The following INPP5B variants were observed in gnomAD, a reference collection of about 807,000 sequenced individuals.
INPP5B encodes type II inositol 1,4,5-trisphosphate 5-phosphatase.
A neutral mutation model predicts 118.5 loss-of-function variants in INPP5B; 90 were observed. The ratio of observed to expected loss-of-function variants is 0.76; its 90% CI spans 0.64 to 0.90. The LOEUF is 0.90. Ranked by LOEUF, INPP5B falls within the 40% of genes least tolerant of loss-of-function variation. The probability of loss-of-function intolerance (pLI) is 0.00; values close to 1 mark genes in which losing one functional copy is unlikely to be tolerated. For missense variants in INPP5B, 984 were observed against 1,125.6 expected, an observed-to-expected ratio of 0.87 and a Z score of 1.80; for synonymous variants, 385 against 418.9, an observed-to-expected ratio of 0.92 and a Z score of 0.99.
In INPP5B at chr1:37,885,883, A is replaced by AC. The variant is rs1233526530; in HGVS notation, c.1132-59dup. On this transcript the variant is annotated intron_variant, in intron 12 of 23. Coordinates refer to ENST00000373024, the MANE Select transcript of INPP5B (RefSeq NM_005540.3). ...AAACTTAATTGTGTCAGTCACTTAA[A>AC]CCTACAAACTTTCTGGCCGGGCACG... The AC allele has an allele frequency of 3.5e-5, 54 of 1,538,658 alleles. No individual in the cohort carries two copies. In the East Asian group the frequency reaches 1.1e-3, roughly 32 times the overall value.
chr1:37,877,689 A>G (rs1410919493), intron 16 of INPP5B, among the ~76,000 whole-genome samples: 1 of 152,242 alleles, frequency 6.6e-6, no homozygotes, highest in Non-Finnish European at 1.5e-5. Context: ...GTATAATAGC[A>G]AAACTTTGGA....
intron 15 of INPP5B, among the ~76,000 whole-genome samples, chr1:37,879,124 T>G (rs1643031644): frequency 6.6e-6 from 1 of 151,782 alleles, no homozygotes; most frequent in Non-Finnish European, 1.5e-5. Context: ...ATACAAAAAT[T>G]AGCTGGGCAT....
chr1:37,861,181 C>CA lies in INPP5B; in HGVS notation c.*1133dup, dbSNP rs1641673279. 1 of 152,166 alleles carries CA rather than the reference C, an allele frequency of 6.6e-6. No homozygotes were observed. Among genetic ancestry groups the CA allele is most frequent in the Admixed American group, 6.5e-5 (1 of 15,276 alleles). The allele number at this position is 152,166 out of a possible 1,614,324, so 9.4% of individuals were successfully genotyped here. ...CCCTCAGAGGCTGAGCAACCAGCCT[C>CA]AGAGTTATTGAGCCATTATCTGGGC... On this transcript the variant is annotated 3_prime_UTR_variant, in exon 24 of 24. Coordinates refer to ENST00000373024, the MANE Select transcript of INPP5B (RefSeq NM_005540.3).
At chr1:37,883,001 T>C in intron 13 of INPP5B, 83 bp from the exon 14 acceptor site, 1 of 1,553,630 alleles carries the variant, frequency 6.4e-7, no homozygotes, top group Non-Finnish European at 8.7e-7. Flanking sequence ...CAAAGGCCCC[T>C]GAGGCTCAGC....
intron 16 of INPP5B, among the ~76,000 whole-genome samples, chr1:37,876,552 T>TAAAAAAA (rs34854182): frequency 5.5e-5 from 3 of 54,592 alleles, no homozygotes; most frequent in African/African-American, 9.0e-5. Context: ...GCTGTCTCTT[T>TAAAAAAA]AAAAAAAAAA....
At chr1:37,876,022 A>C (rs1027905367) in intron 16 of INPP5B, among the ~76,000 whole-genome samples, 2 of 152,012 alleles carry the variant, frequency 1.3e-5, no homozygotes, top group African/African-American at 4.8e-5. Context: ...CCCAGTACCT[A>C]GCTCTATTTT....
intron 6 of INPP5B, among the ~76,000 whole-genome samples, chr1:37,932,953 C>A: frequency 6.6e-6 from 1 of 152,194 alleles, no homozygotes; most frequent in East Asian, 1.9e-4. Context: ...CTGACTCAAA[C>A]CCTCTGACTC....
In INPP5B at chr1:37,873,980, A is replaced by T. The variant is rs1274136611; in HGVS notation, c.1951+13T>A. Reference sequence around the variant, plus strand: ...CAAACCAGATACCAGGAAGCTAGGAACAGAGGCCTTACCTGGCAGGAGGAA... The same window carrying T: ...CAAACCAGATACCAGGAAGCTAGGATCAGAGGCCTTACCTGGCAGGAGGAA... On this transcript the variant is annotated intron_variant, in intron 18 of 23. Transcript: ENST00000373024. The T allele has an allele frequency of 6.5e-7, 1 of 1,544,106 alleles. No homozygotes were observed. The highest frequency in any genetic ancestry group is 1.8e-5 in the Admixed American group (1 of 56,118).
chr1:37,899,420 G>T lies in INPP5B; in HGVS notation c.533-7966C>A, dbSNP rs150822776. ...CTCTACTTAAAATACAAAATAGCCA[G>T]CCGTGGTAGCACATGCCTGTAATCC... is the stretch of plus-strand genomic sequence containing the variant. On this transcript the variant is annotated intron_variant, in intron 7 of 23. Transcript: ENST00000373024. Among the ~76,000 whole-genome samples the T allele has an allele frequency of 5.6e-3, 843 of 151,856 alleles. 3 individuals are homozygous for T. The highest frequency in any genetic ancestry group is 9.1e-3 in the Non-Finnish European group (618 of 67,956).
intron 6 of INPP5B, among the ~76,000 whole-genome samples, chr1:37,936,933 C>T (rs565403057): frequency 4.2e-4 from 64 of 152,154 alleles, no homozygotes; most frequent in African/African-American, 1.4e-3. Context: ...ACTCAGGCAA[C>T]GCTCTTATCC....
chr1:37,865,409 T>C (rs1641967748), intron 22 of INPP5B, among the ~76,000 whole-genome samples: 1 of 152,184 alleles, frequency 6.6e-6, no homozygotes. Context: ...CACAATCTGA[T>C]GGCAGCATGC....
intron 3 of INPP5B, 70 bp downstream of exon 3, chr1:37,945,686 G>A: frequency 1.9e-6 from 2 of 1,076,648 alleles, no homozygotes; most frequent in Non-Finnish European, 2.8e-6. Context: ...GACAGTTGAA[G>A]TTCAGCTGGA....
intron 23 of INPP5B, among the ~76,000 whole-genome samples, chr1:37,862,674 C>T (rs930464289): frequency 6.6e-5 from 10 of 152,190 alleles, no homozygotes; most frequent in Admixed American, 3.3e-4. Context: ...GCAATTGTAA[C>T]ACAGTGCTAA....
In INPP5B at chr1:37,943,671, T is replaced by C. The variant is rs1385239066; in HGVS notation, c.251-2A>G. 2 of 1,614,032 alleles carry C rather than the reference T, an allele frequency of 1.2e-6. No homozygotes were observed. Among genetic ancestry groups the C allele is most frequent in the South Asian group, 1.1e-5 (1 of 91,078 alleles). ...TGTAGAGTTCACCATCTGGGGACACTGTGGGGAGGGAAATGAGAATGCCCT... is the reference window on the plus strand; with the variant it reads ...TGTAGAGTTCACCATCTGGGGACACCGTGGGGAGGGAAATGAGAATGCCCT... On this transcript the variant is annotated splice_acceptor_variant, in intron 4 of 23. Coordinates refer to ENST00000373024, the MANE Select transcript of INPP5B (RefSeq NM_005540.3). LOFTEE classifies it high-confidence loss of function.
At chr1:37,896,758 C>G (rs559768648) in intron 7 of INPP5B, among the ~76,000 whole-genome samples, 1 of 127,676 alleles carries the variant, frequency 7.8e-6, no homozygotes, top group African/African-American at 2.9e-5. Flanking sequence ...CCAGCCGCCC[C>G]GTCCCGGAGG....
intron 18 of INPP5B, chr1:37,873,423 A>G: frequency 6.3e-6 from 3 of 477,986 alleles, no homozygotes; most frequent in Non-Finnish European, 1.1e-5. Context: ...ACTAAGGAGC[A>G]CAGCTCAAGC....
chr1:37,894,957 G>A lies in INPP5B; in HGVS notation c.533-3503C>T, dbSNP rs1289713184. ...CCAAAATATAACAAAAATAAGAAAG[G>A]AGAACTAGAATGGGTTATGTCTAGA... On this transcript the variant is annotated intron_variant, in intron 7 of 23. Transcript: ENST00000373024. 2.0e-5 allele frequency among the ~76,000 whole-genome samples: 3 copies of A among 152,162 alleles called. No individual in the cohort carries two copies. In the East Asian group the frequency reaches 5.8e-4, roughly 29 times the overall value.
At chr1:37,899,329 C>T (rs772728352) in intron 7 of INPP5B, among the ~76,000 whole-genome samples, 2 of 151,796 alleles carry the variant, frequency 1.3e-5, no homozygotes, top group African/African-American at 4.8e-5. Context: ...TTTGGGAGGC[C>T]GAGGTGGGCA....
At chr1:37,943,249 C>G (rs534361399) in intron 5 of INPP5B, among the ~76,000 whole-genome samples, 331 of 152,110 alleles carry the variant, frequency 2.2e-3, no homozygotes, top group South Asian at 5.0e-3. Flanking sequence ...CTTGGCCCCC[C>G]CAAAGTGCTG....
Sources: gnomAD v4.1 joint callset for allele counts (sites outside exome capture counted in the v4.1 genomes callset) on GRCh38, gnomAD v4.1.1 for gene constraint, MANE v1.5 for transcripts, NCBI Gene and HGNC (gene_info 2026-07-23, HGNC 2026-07-21) for gene names.